YEATS2: variants seen among roughly 807,000 people sequenced by gnomAD.
The protein encoded by YEATS2 is YEATS domain containing 2, also known as YEATS domain-containing protein 2.
YEATS2 carries 77 observed loss-of-function variants against 163.2 expected under a neutral mutation model. That is an observed-to-expected ratio of 0.47 (90% CI 0.39 to 0.57). The LOEUF (loss-of-function observed/expected upper bound fraction) is 0.57, where lower values mean the gene tolerates loss of function less well. Among genes scored for constraint, YEATS2 ranks in the 20% least tolerant of loss-of-function variants. The pLI is 0.00. For synonymous variants in YEATS2, 631 were observed against 645.1 expected (o/e 0.98, Z 0.33); for missense variants, 1,549 against 1,729.8 (o/e 0.90, Z 1.85).
At chr3:183,803,401 G>C in intron 26 of YEATS2, 66 bp downstream of exon 26, 1 of 1,402,898 alleles carries the variant, frequency 7.1e-7, no homozygotes, top group Non-Finnish European at 9.9e-7. Context: ...ACAGGGATAA[G>C]ATTGCAGCAT....
intron 15 of YEATS2, among the ~76,000 whole-genome samples, chr3:183,768,853 T>G (rs1722175231): frequency 6.6e-6 from 1 of 152,020 alleles, no homozygotes; most frequent in Non-Finnish European, 1.5e-5. Context: ...GTGCCCATAA[T>G]CCCAGCTACT....
In YEATS2 at chr3:183,795,483, T is replaced by TTTTTTTTA. The variant is rs146253574; in HGVS notation, c.3098-2440_3098-2439insTTTTTTTA. Among the ~76,000 whole-genome samples, 9 of 124,012 alleles carry TTTTTTTTA rather than the reference T, an allele frequency of 7.3e-5. 1 individual carries two copies. The East Asian group carries it at 7.6e-4, about 10-fold the overall frequency. 81.4% of individuals were successfully genotyped at this position (124,012 alleles called of 152,430 possible). ...TTTTTTTTTTTTTTTTTTTTTTTTT[T>TTTTTTTTA]AGAGACGGGGTCTTGCTTTGTTGCC... On this transcript the variant is annotated intron_variant, in intron 21 of 30. Transcript: ENST00000305135.
intron 15 of YEATS2, among the ~76,000 whole-genome samples, chr3:183,766,128 G>GCA (rs762000049): frequency 6.6e-6 from 1 of 152,186 alleles, no homozygotes; most frequent in Non-Finnish European, 1.5e-5. Flanking sequence ...TGGGAAGGAA[G>GCA]CAGTGTGTTA....
chr3:183,717,755 T>C lies in YEATS2; in HGVS notation c.198+7T>C, dbSNP rs1329479536. On this transcript the variant is annotated splice_region_variant and intron_variant, in intron 3 of 30. Coordinates refer to ENST00000305135, the MANE Select transcript of YEATS2 (RefSeq NM_018023.5). ...AATTGAAGTCATTGACCAGGTATAA[T>C]GATGATAAATTGAAATAAACACCAA... 2.0e-6 allele frequency: 3 copies of C among 1,483,768 alleles called. No individual in the cohort carries two copies. The highest frequency in any genetic ancestry group is 2.7e-6 in the Non-Finnish European group (3 of 1,114,486). The allele number at this position is 1,483,768 out of a possible 1,614,324, so 91.9% of individuals were successfully genotyped here.
chr3:183,776,225 A>C (rs990335741), intron 18 of YEATS2, 102 bp downstream of exon 18: 10 of 1,161,738 alleles, frequency 8.6e-6, no homozygotes, highest in African/African-American at 3.1e-5. Flanking sequence ...AGGGTTCAAT[A>C]CTAACACCTT....
intron 1 of YEATS2, among the ~76,000 whole-genome samples, chr3:183,704,182 A>G (rs1047627759): frequency 2.0e-5 from 3 of 151,646 alleles, no homozygotes; most frequent in Non-Finnish European, 2.9e-5. Flanking sequence ...TAAAGCTTCA[A>G]CAGTAGACTT....
chr3:183,754,212 A>G lies in YEATS2; in HGVS notation c.1237A>G (p.Thr413Ala). 3.7e-6 allele frequency: 6 copies of G among 1,614,056 alleles called. No individual in the cohort carries two copies. Among genetic ancestry groups the G allele is most frequent in the African/African-American group, 1.3e-5 (1 of 75,048 alleles). ...GGAAAGAACACCCACCAAAATGACT[A>G]CATCCCAGAAAGTTACCTTTTGTTC... The part of the protein sequence containing the change: ...SLERTPTKMT[T>A]SQKVTFCSHG... Residue 413 changes from threonine (T) to alanine (A), a missense_variant, in exon 11 of 31, where the codon ACA becomes GCA. Thr to Ala is a moderately conservative substitution (Grantham distance 58). Coordinates refer to ENST00000305135, the MANE Select transcript of YEATS2 (RefSeq NM_018023.5).
Position 183,800,560 on chromosome 3 carries a change from T to C in YEATS2, c.3420T>C (p.Tyr1140=), listed in dbSNP as rs1725573754. 1.2e-6 allele frequency: 2 copies of C among 1,613,236 alleles called. No individual in the cohort carries two copies. Among genetic ancestry groups the C allele is most frequent in the African/African-American group, 2.7e-5 (2 of 74,892 alleles). ...KTEESSELGN[Y]VIKIDHLETI... is the part of the protein sequence containing the mutation. The stretch of plus-strand genomic sequence containing the variant: ...AAGAAAGTTCTGAGCTGGGAAACTA[T>C]GTCATTAAGTAATTCTTCCAATCTT... The change falls in exon 24 of 31, where the codon TAT becomes TAC. Residue 1140 remains tyrosine (Y), a synonymous_variant. Coordinates refer to ENST00000305135, the MANE Select transcript of YEATS2 (RefSeq NM_018023.5).
intron 8 of YEATS2, among the ~76,000 whole-genome samples, chr3:183,743,145 C>A (rs1333969570): frequency 6.6e-6 from 1 of 151,958 alleles, no homozygotes; most frequent in Non-Finnish European, 1.5e-5. Flanking sequence ...ATTGAATCTG[C>A]AATTATCTCT....
chr3:183,718,358 A>G (rs1716124987), intron 3 of YEATS2, 142 bp from the exon 4 acceptor site: 3 of 614,054 alleles, frequency 4.9e-6, no homozygotes, highest in South Asian at 2.3e-5. Flanking sequence ...GGAAAAGGTC[A>G]CTTTTATTTG....
chr3:183,775,647 C>T (rs189952561), intron 17 of YEATS2, among the ~76,000 whole-genome samples: 68 of 152,284 alleles, frequency 4.5e-4, no homozygotes, highest in African/African-American at 1.1e-3. Flanking sequence ...TGATCTCCCA[C>T]GACCACGTCA....
At chr3:183,746,517 G>GT (rs1293524549) in intron 8 of YEATS2, among the ~76,000 whole-genome samples, 1 of 152,052 alleles carries the variant, frequency 6.6e-6, no homozygotes, top group Non-Finnish European at 1.5e-5. Context: ...TCCTCTTCTT[G>GT]TTTTGATACT....
intron 6 of YEATS2, 47 bp downstream of exon 6, chr3:183,724,578 A>G: frequency 7.0e-7 from 1 of 1,420,720 alleles, no homozygotes; most frequent in Non-Finnish European, 9.8e-7. Flanking sequence ...TTGTGTTAAT[A>G]TTTTGGCATT....
chr3:183,755,741 CTTTTTTTTTTTTTTTTT>C (rs57050296), intron 11 of YEATS2, among the ~76,000 whole-genome samples: 4 of 82,220 alleles, frequency 4.9e-5, no homozygotes, highest in South Asian at 3.5e-4. Context: ...TCCTTCCTTT[CTTTTTTTTTTTTTTTTT>C]TTTTTTTTTT....
In YEATS2 at chr3:183,711,470, C is replaced by CAA. The variant is rs532093071; in HGVS notation, c.-19-3657_-19-3656dup. On this transcript the variant is annotated intron_variant, in intron 1 of 30. Transcript: ENST00000305135. ...CCTGGGAGACAGCGAGACTCTGTCT[C>CAA]AAAAAAAAAAAAAAAAAAGCTTTAA... Among the ~76,000 whole-genome samples, 155 of 70,592 alleles carry CAA rather than the reference C, an allele frequency of 2.2e-3. 4 individuals carry two copies. The highest frequency in any genetic ancestry group is 4.3e-3 in the East Asian group (10 of 2,316). The allele number at this position is 70,592 out of a possible 152,430, so 46.3% of individuals were successfully genotyped here.
intron 27 of YEATS2, among the ~76,000 whole-genome samples, chr3:183,805,678 A>G (rs1438572742): frequency 1.3e-5 from 2 of 151,800 alleles, no homozygotes; most frequent in African/African-American, 2.4e-5. Context: ...AGTCCCACCT[A>G]TTCGGGAAGC....
At chr3:183,768,508 A>ACAC in intron 15 of YEATS2, among the ~76,000 whole-genome samples, 1 of 152,294 alleles carries the variant, frequency 6.6e-6, no homozygotes, top group East Asian at 1.9e-4. Flanking sequence ...AGTTTCTGCC[A>ACAC]CACTCCCAAA....
rs869091775 is a variant in YEATS2 at position 183,730,052 on chromosome 3, G to GTTTT, written c.812+1233_812+1236dup. On this transcript the variant is annotated intron_variant, in intron 7 of 30. Coordinates refer to ENST00000305135, the MANE Select transcript of YEATS2 (RefSeq NM_018023.5). ...ATATTAATTGTGTGGTTTTTTGTTT[G>GTTTT]TTTTTTTTTTTTTTTTTTTTTTTTT... Among the ~76,000 whole-genome samples the GTTTT allele has an allele frequency of 4.2e-3, 176 of 41,712 alleles. 7 individuals carry two copies. The highest frequency in any genetic ancestry group is 5.8e-3 in the Non-Finnish European group (132 of 22,810). The allele number at this position is 41,712 out of a possible 152,430, so 27.4% of individuals were successfully genotyped here. A position where few individuals can be genotyped will look rare whatever the true frequency, so the allele number is the denominator to read the frequency against.
chr3:183,798,999 A>G lies in YEATS2; in HGVS notation c.3325+10A>G, dbSNP rs776412707. On this transcript the variant is annotated intron_variant, in intron 23 of 30. Transcript: ENST00000305135. ...GCAGCTGTTGCAAAAGGTACGTAGG[A>G]TCTCACAGAGTTCTCGTCCAGAAGT... 11 of 1,605,148 alleles carry G rather than the reference A, an allele frequency of 6.9e-6. No individual in the cohort carries two copies. The South Asian group carries it at 1.2e-4, about 18-fold the overall frequency.
Sources: allele counts gnomAD v4.1 joint callset (sites outside exome capture counted in the v4.1 genomes callset), GRCh38; gene constraint gnomAD v4.1.1; transcripts MANE v1.5; gene names NCBI Gene and HGNC (gene_info 2026-07-23, HGNC 2026-07-21).